The following YEATS4 variants were observed in gnomAD, a reference collection of about 807,000 sequenced individuals.
The protein encoded by YEATS4 is YEATS domain containing 4.
YEATS4 carries 17 observed loss-of-function variants against 30.1 expected under a neutral mutation model. The ratio of observed to expected loss-of-function variants is 0.56; its 90% CI spans 0.39 to 0.85. The LOEUF (loss-of-function observed/expected upper bound fraction) is 0.85. Ranked by LOEUF, YEATS4 falls within the 40% of genes least tolerant of loss-of-function variation. The pLI is 0.00. For synonymous variants in YEATS4, 85 were observed against 87.5 expected (o/e 0.97, Z 0.16); for missense variants, 142 against 268.3 (o/e 0.53, Z 3.29).
chr12:69,416,280 T>G, the YEATS4 span, among the ~76,000 whole-genome samples: 1 of 152,200 alleles, frequency 6.6e-6, no homozygotes, highest in African/African-American at 2.4e-5. Flanking sequence ...TAGAGGCTTT[T>G]CAATCCTCTG....
intron 2 of YEATS4, among the ~76,000 whole-genome samples, chr12:69,364,820 A>T (rs1188231872): frequency 6.6e-6 from 1 of 151,970 alleles, no homozygotes; most frequent in Non-Finnish European, 1.5e-5. Context: ...GAGTTTCCCC[A>T]TGTTGGCCAG....
downstream of YEATS4, among the ~76,000 whole-genome samples, chr12:69,391,954 G>A (rs985347025): frequency 1.3e-5 from 2 of 152,130 alleles, no homozygotes; most frequent in African/African-American, 4.8e-5. Flanking sequence ...TTCAAAATAT[G>A]TGGTCATGGC....
chr12:69,375,773 G>GC (rs1211936685), intron 6 of YEATS4, among the ~76,000 whole-genome samples: 1 of 152,104 alleles, frequency 6.6e-6, no homozygotes, highest in East Asian at 1.9e-4. Context: ...GTGGTGGTGC[G>GC]CGCCTGCAAT....
chr12:69,393,029 G>A (rs2121097833), downstream of YEATS4, among the ~76,000 whole-genome samples: 1 of 152,290 alleles, frequency 6.6e-6, no homozygotes, highest in South Asian at 2.1e-4. Flanking sequence ...GAATACTAAA[G>A]CATAGATATT....
intron 6 of YEATS4, among the ~76,000 whole-genome samples, chr12:69,385,609 T>C (rs1237396662): frequency 6.6e-6 from 1 of 152,190 alleles, no homozygotes; most frequent in Non-Finnish European, 1.5e-5. Flanking sequence ...AGTAGTAGAA[T>C]CAGAACTTGA....
rs1199856885 is a variant in YEATS4 at position 69,370,915 on chromosome 12, C to G, written c.454C>G (p.Gln152Glu). ...MIFQDPTAMM[Q>E]QLLTTSRQLT... ...ATTTCAAGACCCAACAGCAATGATG[C>G]AACAATTATTGACAACATCTCGTCA... The change falls in exon 6 of 7, where the codon CAA becomes GAA. Residue 152 changes from glutamine to glutamate, a missense_variant. Gln to Glu is a conservative substitution (Grantham distance 29, BLOSUM62 2). Coordinates refer to ENST00000247843, the MANE Select transcript of YEATS4 (RefSeq NM_006530.4). 1 of 1,613,404 alleles carries G rather than the reference C, an allele frequency of 6.2e-7. No individual in the cohort carries two copies. The highest frequency in any genetic ancestry group is 1.7e-5 in the Admixed American group (1 of 59,954).
chr12:69,374,395 ACTTT>A (rs768705497), intron 6 of YEATS4, among the ~76,000 whole-genome samples: 3 of 150,896 alleles, frequency 2.0e-5, no homozygotes, highest in Non-Finnish European at 4.4e-5. Context: ...AAATGAGATT[ACTTT>A]CTTTTTTTTT....
In YEATS4 at chr12:69,389,584, G is replaced by A. The variant is rs576283202; in HGVS notation, c.515-563G>A. 2.3e-4 allele frequency among the ~76,000 whole-genome samples: 28 copies of A among 123,802 alleles called. 1 individual carries two copies. The South Asian group carries it at 7.7e-3, about 34-fold the overall frequency. 81.2% of individuals were successfully genotyped at this position (123,802 alleles called of 152,430 possible). On this transcript the variant is annotated intron_variant, in intron 6 of 6. Transcript: ENST00000247843. ...GCTGGAGTGCACTAGCGTCATCTCA[G>A]CTCACTGCAACCTCTGCCTCCCAAG... is the stretch of plus-strand genomic sequence containing the variant.
At chr12:69,384,150 C>T (rs556896560) in intron 6 of YEATS4, among the ~76,000 whole-genome samples, 5 of 152,232 alleles carry the variant, frequency 3.3e-5, no homozygotes, top group Admixed American at 2.0e-4. Flanking sequence ...GAACATAAAA[C>T]AGTTAAGTAT....
chr12:69,369,283 C>T (rs868505670), intron 4 of YEATS4, among the ~76,000 whole-genome samples: 10 of 152,128 alleles, frequency 6.6e-5, no homozygotes, highest in South Asian at 2.1e-4. Flanking sequence ...TATAGGTGAT[C>T]CTTTTTCGTC....
rs866589684 is a variant in YEATS4, at chr12:69,382,202, G to A, written c.515-7945G>A. ...CACTGCATTTGCATGCGATGTTCGA[G>A]ACTCACCACCCAATCTCCAAGCCAA... On this transcript the variant is annotated intron_variant, in intron 6 of 6. Coordinates refer to ENST00000247843, the MANE Select transcript of YEATS4 (RefSeq NM_006530.4). Among the ~76,000 whole-genome samples, 4 of 152,302 alleles carry A rather than the reference G, an allele frequency of 2.6e-5. No individual in the cohort carries two copies. In the South Asian group the frequency reaches 8.3e-4, roughly 32 times the overall value.
the YEATS4 span, among the ~76,000 whole-genome samples, chr12:69,411,877 CA>C: frequency 6.6e-6 from 1 of 152,208 alleles, no homozygotes; most frequent in African/African-American, 2.4e-5. Flanking sequence ...GGGAAGGTAG[CA>C]GATGAGGTCA....
At chr12:69,423,529 C>A in the YEATS4 span, among the ~76,000 whole-genome samples, 3 of 152,280 alleles carry the variant, frequency 2.0e-5, no homozygotes, top group Admixed American at 6.5e-5. Flanking sequence ...CTAGAAGGAG[C>A]AACAAGCATG....
At chr12:69,399,439 A>G in the YEATS4 span, among the ~76,000 whole-genome samples, 4 of 152,258 alleles carry the variant, frequency 2.6e-5, no homozygotes, top group African/African-American at 9.6e-5. Flanking sequence ...AATCAAAATG[A>G]TGATAACACT....
intron 6 of YEATS4, among the ~76,000 whole-genome samples, chr12:69,386,849 A>G (rs1187783605): frequency 6.6e-6 from 1 of 152,286 alleles, no homozygotes; most frequent in South Asian, 2.1e-4. Context: ...ACCAAGCCCT[A>G]TATACTGTTT....
the YEATS4 span, among the ~76,000 whole-genome samples, chr12:69,412,584 T>G: frequency 6.6e-6 from 1 of 151,462 alleles, no homozygotes; most frequent in Non-Finnish European, 1.5e-5. Flanking sequence ...ACCCGGGAGG[T>G]GGAGGTTGCA....
the YEATS4 span, among the ~76,000 whole-genome samples, chr12:69,409,044 G>A: frequency 1.3e-5 from 2 of 152,022 alleles, no homozygotes; most frequent in Non-Finnish European, 2.9e-5. Context: ...TATATCAGAC[G>A]GCTGACTTAC....
At chr12:69,397,472 GCTGTT>G in the YEATS4 span, among the ~76,000 whole-genome samples, 3 of 152,066 alleles carry the variant, frequency 2.0e-5, no homozygotes, top group African/African-American at 7.2e-5. Flanking sequence ...TTTTTCCTGT[GCTGTT>G]CTCAAGATAG....
the YEATS4 span, among the ~76,000 whole-genome samples, chr12:69,413,508 A>ATG: frequency 5.1e-5 from 4 of 78,086 alleles, no homozygotes; most frequent in Admixed American, 4.1e-4. Flanking sequence ...GGGGTCTTCA[A>ATG]CGCCCCCCCC....
Sources: allele counts gnomAD v4.1 joint callset (sites outside exome capture counted in the v4.1 genomes callset), GRCh38; gene constraint gnomAD v4.1.1; transcripts MANE v1.5; gene names NCBI Gene and HGNC (gene_info 2026-07-23, HGNC 2026-07-21).